Variants in FHIT observed in about 807,000 individuals in gnomAD.
FHIT encodes the protein bis(5'-adenosyl)-triphosphatase.
In FHIT, 19 loss-of-function variants were observed where a neutral mutation model predicts 17.9. That is an observed-to-expected ratio of 1.06 (90% CI 0.74 to 1.56). The LOEUF (loss-of-function observed/expected upper bound fraction) is 1.56, where lower values mean the gene tolerates loss of function less well. Among genes scored for constraint, FHIT ranks in the 40% most tolerant of loss-of-function variants. The pLI, the probability that FHIT is intolerant of heterozygous loss-of-function variation, is 0.00. For missense variants in FHIT, 248 were observed against 189.2 expected (o/e 1.31, Z -1.82); for synonymous variants, 81 against 69.7 (o/e 1.16, Z -0.81).
intron 5 of FHIT, among the ~76,000 whole-genome samples, chr3:60,284,995 A>G (rs944694439): frequency 6.6e-6 from 1 of 152,152 alleles, no homozygotes; most frequent in Admixed American, 6.6e-5. Flanking sequence ...CGAAAGAACC[A>G]CTGAAGTTTA....
At chr3:59,898,631 A>G (rs1474530893) in intron 8 of FHIT, among the ~76,000 whole-genome samples, 1 of 152,104 alleles carries the variant, frequency 6.6e-6, no homozygotes, top group African/African-American at 2.4e-5. Flanking sequence ...AATATCCTCT[A>G]CAGAATCTTT....
intron 8 of FHIT, among the ~76,000 whole-genome samples, chr3:59,915,693 A>G (rs1314097711): frequency 6.6e-6 from 1 of 152,164 alleles, no homozygotes; most frequent in African/African-American, 2.4e-5. Flanking sequence ...TAATCCCAGT[A>G]CTTTGGGAGG....
chr3:60,722,940 C>T (rs1360730462), intron 4 of FHIT, among the ~76,000 whole-genome samples: 2 of 152,000 alleles, frequency 1.3e-5, no homozygotes, highest in Admixed American at 6.6e-5. Context: ...GCGCTGGTCT[C>T]GAACTCCTGA....
At chr3:59,936,106 T>G (rs1706225152) in intron 7 of FHIT, among the ~76,000 whole-genome samples, 1 of 152,132 alleles carries the variant, frequency 6.6e-6, no homozygotes, top group Admixed American at 6.6e-5. Context: ...ATTGCAAGGG[T>G]TGCCAAGGGG....
At chr3:60,772,692 G>A (rs1553723455) in intron 4 of FHIT, among the ~76,000 whole-genome samples, 2 of 152,142 alleles carry the variant, frequency 1.3e-5, no homozygotes, top group Non-Finnish European at 2.9e-5. Context: ...CTAAGGTACA[G>A]ACATGAACAA....
intron 8 of FHIT, among the ~76,000 whole-genome samples, chr3:59,904,830 G>T (rs765907876): frequency 6.6e-6 from 1 of 152,296 alleles, no homozygotes; most frequent in East Asian, 1.9e-4. Context: ...GCTGGGCCTG[G>T]GGCCTTTTCC....
At chr3:60,210,828 G>C (rs1182289331) in intron 5 of FHIT, among the ~76,000 whole-genome samples, 1 of 151,924 alleles carries the variant, frequency 6.6e-6, no homozygotes, top group Admixed American at 6.6e-5. Flanking sequence ...AAACCCTATG[G>C]ATAAGTGTTC....
At chr3:60,135,085 G>C (rs532369767) in intron 5 of FHIT, among the ~76,000 whole-genome samples, 15 of 152,200 alleles carry the variant, frequency 9.9e-5, no homozygotes, top group Admixed American at 8.5e-4. Context: ...AAAGGGCAAA[G>C]TCAGAGGACA....
chr3:61,201,448 T>G (rs2039009873), intron 1 of FHIT, among the ~76,000 whole-genome samples: 1 of 152,216 alleles, frequency 6.6e-6, no homozygotes, highest in Admixed American at 6.5e-5. Context: ...GGAATATGAT[T>G]CTTTCTCTCA....
chr3:60,595,152 T>G (rs2038222236), intron 4 of FHIT, among the ~76,000 whole-genome samples: 1 of 152,000 alleles, frequency 6.6e-6, no homozygotes, highest in Non-Finnish European at 1.5e-5. Context: ...TTGATTCATC[T>G]GCATTACATT....
At chr3:60,711,594 T>A (rs2041534189) in intron 4 of FHIT, among the ~76,000 whole-genome samples, 2 of 151,768 alleles carry the variant, frequency 1.3e-5, no homozygotes, top group Non-Finnish European at 1.5e-5. Flanking sequence ...GCTGATGGAG[T>A]TCAAAGCCAA....
chr3:59,782,624 A>G (rs1460776246), intron 8 of FHIT, among the ~76,000 whole-genome samples: 1 of 152,218 alleles, frequency 6.6e-6, no homozygotes, highest in African/African-American at 2.4e-5. Flanking sequence ...ACCATGATGC[A>G]TCCGATTCAG....
intron 7 of FHIT, among the ~76,000 whole-genome samples, chr3:60,004,692 G>C (rs1575862295): frequency 6.6e-6 from 1 of 152,232 alleles, no homozygotes; most frequent in East Asian, 1.9e-4. Context: ...TTGAAATTTT[G>C]GATAGGCTTG....
chr3:60,437,963 A>T (rs2030425257), intron 5 of FHIT, among the ~76,000 whole-genome samples: 1 of 152,118 alleles, frequency 6.6e-6, no homozygotes, highest in Admixed American at 6.6e-5. Context: ...CATTTTTTAA[A>T]ATTAAGATAC....
At chr3:59,903,799 G>T (rs1028750280) in intron 8 of FHIT, among the ~76,000 whole-genome samples, 2 of 152,182 alleles carry the variant, frequency 1.3e-5, no homozygotes, top group Non-Finnish European at 2.9e-5. Flanking sequence ...ATTCGATTAA[G>T]CAAATGGCTC....
chr3:60,992,154 A>G (rs549831381), intron 3 of FHIT, among the ~76,000 whole-genome samples: 1 of 152,364 alleles, frequency 6.6e-6, no homozygotes, highest in South Asian at 2.1e-4. Flanking sequence ...CATTTAGATG[A>G]AGTTCAAGAA....
At chr3:59,949,183 C>A (rs930801108) in intron 7 of FHIT, among the ~76,000 whole-genome samples, 3 of 152,188 alleles carry the variant, frequency 2.0e-5, no homozygotes, top group African/African-American at 7.2e-5. Context: ...GATATGAGTC[C>A]TTCATCAGTA....
At chr3:60,815,743 A>G (rs1343202243) in intron 4 of FHIT, among the ~76,000 whole-genome samples, 3 of 152,042 alleles carry the variant, frequency 2.0e-5, no homozygotes, top group Non-Finnish European at 2.9e-5. Flanking sequence ...TGTACTTTAT[A>G]ATAGTTTTTT....
At position 59,857,261 on chromosome 3, in the gene FHIT, A is replaced by T. The variant is rs138182810; in HGVS notation, c.348+65085T>A. Among the ~76,000 whole-genome samples, 1,009 of 152,254 alleles carry T rather than the reference A, an allele frequency of 6.6e-3. 13 individuals carry two copies. Among genetic ancestry groups the T allele is most frequent in the African/African-American group, 0.024 (981 of 41,538 alleles). ...TTCAGAGGGCAGGAATGAGCGATACACTGTCATTTCTCCATCTCTGCGTGA... is the reference window on the plus strand; with the variant it reads ...TTCAGAGGGCAGGAATGAGCGATACTCTGTCATTTCTCCATCTCTGCGTGA... On this transcript the variant is annotated intron_variant, in intron 8 of 9. Transcript: ENST00000492590.
Sources: allele counts gnomAD v4.1 joint callset (sites outside exome capture counted in the v4.1 genomes callset), GRCh38; gene constraint gnomAD v4.1.1; transcripts MANE v1.5; gene names NCBI Gene and HGNC (gene_info 2026-07-23, HGNC 2026-07-21).